The following SHPRH variants were observed in gnomAD, a reference collection of about 807,000 sequenced individuals.
SHPRH encodes the protein SNF2 histone linker PHD RING helicase.
SHPRH carries 106 observed loss-of-function variants against 202.5 expected under a neutral mutation model. The ratio of observed to expected loss-of-function variants is 0.52; its 90% confidence interval spans 0.45 to 0.62. The LOEUF (loss-of-function observed/expected upper bound fraction) is 0.62. Ranked by LOEUF, SHPRH falls within the 20% of genes least tolerant of loss-of-function variation. The probability of loss-of-function intolerance (pLI) is 0.00; values close to 1 mark genes in which losing one functional copy is unlikely to be tolerated. For missense variants in SHPRH, 1,710 were observed against 2,020.0 expected, an observed-to-expected ratio of 0.85 and a Z score of 2.94; for synonymous variants, 729 against 686.0, an observed-to-expected ratio of 1.06 and a Z score of -0.98.
In SHPRH at chr6:145,943,755, C is replaced by T; in HGVS notation, c.1626G>A (p.Gly542=). 6.3e-7 allele frequency: 1 copy of T among 1,596,320 alleles called. No individual in the cohort carries two copies. The highest frequency in any genetic ancestry group is 8.5e-7 in the Non-Finnish European group (1 of 1,175,236). The change falls in exon 9 of 30, where the codon GGG becomes GGA. Residue 542 remains glycine, a synonymous_variant. Transcript: ENST00000275233. ...RKIQKETRKS[G]NKDTDSEYLP... ...AGTATTCAGAATCTGTGTCCTTGTTCCCTGATTTTCTAGTTTCTTTCTGAA... is the reference window on the plus strand; with the variant it reads ...AGTATTCAGAATCTGTGTCCTTGTTTCCTGATTTTCTAGTTTCTTTCTGAA...
At chr6:145,945,158 G>A (rs555000898) in intron 8 of SHPRH, among the ~76,000 whole-genome samples, 8 of 152,244 alleles carry the variant, frequency 5.3e-5, no homozygotes, top group South Asian at 2.1e-4. Context: ...TATTTGTTAC[G>A]TGCCAAGCAT....
chr6:145,893,096 A>G (rs1303882686), intron 28 of SHPRH, 119 bp downstream of exon 28: 3 of 669,608 alleles, frequency 4.5e-6, no homozygotes, highest in African/African-American at 1.9e-5. Context: ...AAAATGTAGT[A>G]TCTAAGGAAG....
chr6:145,917,398 T>C (rs1784049930), intron 23 of SHPRH: 1 of 152,178 alleles, frequency 6.6e-6, no homozygotes, highest in Admixed American at 6.5e-5. Context: ...TTCCAAAGTC[T>C]ACCTTCTTAG....
intron 2 of SHPRH, among the ~76,000 whole-genome samples, chr6:145,866,312 TAACC>T (rs751776850): frequency 6.6e-6 from 1 of 152,260 alleles, no homozygotes; most frequent in Non-Finnish European, 1.5e-5. Context: ...AGTCACACTT[TAACC>T]TTTTTCTGAA....
At chr6:145,867,599 AATAT>A (rs374395571) in intron 2 of SHPRH, among the ~76,000 whole-genome samples, 590 of 21,558 alleles carry the variant, frequency 0.027, 22 homozygotes, top group Middle Eastern at 0.062. Flanking sequence ...TTCAAAAAAG[AATAT>A]ATATATATAT....
intron 2 of SHPRH, chr6:145,871,433 G>A (rs559679591): frequency 5.8e-4 from 89 of 152,188 alleles, no homozygotes; most frequent in African/African-American, 2.0e-3. Context: ...TCATGAATGA[G>A]CTTTGATTCA....
intron 25 of SHPRH, among the ~76,000 whole-genome samples, chr6:145,895,564 C>A (rs574459114): frequency 6.7e-6 from 1 of 149,080 alleles, no homozygotes; most frequent in East Asian, 2.0e-4. Context: ...TCTTCCATAA[C>A]CATTTCTATC....
intron 11 of SHPRH, among the ~76,000 whole-genome samples, chr6:145,939,426 A>T (rs1373131251): frequency 6.6e-6 from 1 of 152,174 alleles, no homozygotes; most frequent in Non-Finnish European, 1.5e-5. Context: ...TTTTTAAAAA[A>T]TTAGGAATTT....
intron 2 of SHPRH, chr6:145,876,746 G>C (rs923785817): frequency 6.6e-6 from 1 of 152,148 alleles, no homozygotes; most frequent in African/African-American, 2.4e-5. Flanking sequence ...TAGTATCTCA[G>C]GATGTAACTG....
At chr6:145,901,677 C>G (rs1393417927) in intron 25 of SHPRH, among the ~76,000 whole-genome samples, 1 of 152,054 alleles carries the variant, frequency 6.6e-6, no homozygotes, top group Admixed American at 6.6e-5. Flanking sequence ...TACATGGGAA[C>G]AGAAATCCCA....
chr6:145,932,903 T>TTATA, intron 14 of SHPRH, 154 bp downstream of exon 14: 1 of 797,656 alleles, frequency 1.3e-6, no homozygotes, highest in Non-Finnish European at 1.9e-6. Context: ...TGCTCTATAT[T>TTATA]AAGTTGAACC....
At chr6:145,898,925 C>T (rs1163951010) in intron 25 of SHPRH, among the ~76,000 whole-genome samples, 1 of 152,256 alleles carries the variant, frequency 6.6e-6, no homozygotes, top group East Asian at 1.9e-4. Flanking sequence ...GATCCTCCCA[C>T]CTCAGTCTCC....
Position 145,890,929 on chromosome 6 carries a change from T to C in SHPRH, c.4874+2286A>G, listed in dbSNP as rs78300781. 4.1e-3 allele frequency among the ~76,000 whole-genome samples: 631 copies of C among 152,234 alleles called. 16 individuals carry two copies. In the East Asian group the frequency reaches 0.071, roughly 17 times the overall value. ...ATATCCAGAACCTGACCACTCCTCA[T>C]CATGTGCACTGCTACTGCCATGGTC... On this transcript the variant is annotated intron_variant, in intron 28 of 29. Transcript: ENST00000275233.
chr6:145,933,354 T>C, intron 13 of SHPRH, 176 bp from the exon 14 acceptor site: 1 of 863,940 alleles, frequency 1.2e-6, no homozygotes, highest in Non-Finnish European at 1.7e-6. Context: ...AGTACCTTTA[T>C]TTGATCACAT....
Position 145,946,315 on chromosome 6 carries a change from C to T in SHPRH, c.1239G>A (p.Pro413=), listed in dbSNP as rs140562619. The change falls in exon 7 of 30, where the codon CCG becomes CCA. Residue 413 remains proline (P), a synonymous_variant. Coordinates refer to ENST00000275233, the MANE Select transcript of SHPRH (RefSeq NM_001042683.3). ...TCAGTTTTCCTCCAAAATAATGTGACGGAATAAAATAATTCACCACTTTTC... is the reference window on the plus strand; with the variant it reads ...TCAGTTTTCCTCCAAAATAATGTGATGGAATAAAATAATTCACCACTTTTC... The part of the protein sequence containing the change: ...PEGKVVNYFI[P]SHYFGGKLKK... The T allele has an allele frequency of 5.6e-4, 907 of 1,605,630 alleles. 4 individuals are homozygous for T. In the East Asian group the frequency reaches 0.012, roughly 22 times the overall value.
At chr6:145,886,832 C>A in intron 29 of SHPRH, 45 bp from the exon 30 acceptor site, 1 of 1,584,630 alleles carries the variant, frequency 6.3e-7, no homozygotes, top group African/African-American at 1.4e-5. Flanking sequence ...AAACCCCAAG[C>A]CATCAGCGAT....
chr6:145,953,111 T>C (rs1012814857), intron 2 of SHPRH, among the ~76,000 whole-genome samples: 5 of 152,048 alleles, frequency 3.3e-5, no homozygotes, highest in Admixed American at 1.3e-4. Flanking sequence ...TTAAATAATA[T>C]AACTATAAAA....
Position 145,945,480 on chromosome 6 carries a change from T to G in SHPRH, c.1479A>C (p.Glu493Asp). ...GGCCTTTGATCTGTTTCACGAGACC[T>G]TCAAAAATTAAACATTTCAGCATCC... ...LKRMLKCLIFEGLVKQIKGHG... is the reference protein window; with the variant it reads ...LKRMLKCLIFDGLVKQIKGHG... Residue 493 changes from glutamate (E) to aspartate (D), a missense_variant, in exon 8 of 30, where the codon GAA becomes GAC. Coordinates refer to ENST00000275233, the MANE Select transcript of SHPRH (RefSeq NM_001042683.3). 1 of 1,613,286 alleles carries G rather than the reference T, an allele frequency of 6.2e-7. No individual in the cohort carries two copies. The highest frequency in any genetic ancestry group is 8.5e-7 in the Non-Finnish European group (1 of 1,179,574).
At chr6:145,878,161 A>G (rs1010917643) in intron 2 of SHPRH, 1 of 152,164 alleles carries the variant, frequency 6.6e-6, no homozygotes, top group African/African-American at 2.4e-5. Context: ...ATTTTCTACG[A>G]AAGTTTTAGG....
Sources: allele counts gnomAD v4.1 joint callset (sites outside exome capture counted in the v4.1 genomes callset), GRCh38; gene constraint gnomAD v4.1.1; transcripts MANE v1.5; gene names NCBI Gene and HGNC (gene_info 2026-07-23, HGNC 2026-07-21).